Variants in ZNF592 observed in about 807,000 individuals in gnomAD.
The protein encoded by ZNF592 is spinocerebellar ataxia, autosomal recessive 5.
A neutral mutation model predicts 80.3 loss-of-function variants in ZNF592; 11 were observed. The ratio of observed to expected loss-of-function variants is 0.14; its 90% CI spans 0.09 to 0.23. ZNF592 has a LOEUF of 0.23. Among genes scored for constraint, ZNF592 ranks in the 10% least tolerant of loss-of-function variants. The probability of loss-of-function intolerance (pLI) is 1.00; values close to 1 mark genes in which losing one functional copy is unlikely to be tolerated. For missense variants in ZNF592, 1,420 were observed against 1,633.9 expected, an observed-to-expected ratio of 0.87 and a Z score of 2.26; for synonymous variants, 646 against 640.3, an observed-to-expected ratio of 1.01 and a Z score of -0.13.
rs953287950 is a variant in ZNF592, at chr15:84,804,239, T to A, written c.*1846T>A. On this transcript the variant is annotated 3_prime_UTR_variant, in exon 11 of 11. Coordinates refer to ENST00000560079, the MANE Select transcript of ZNF592 (RefSeq NM_014630.3). ...TGCAAAGCCAGACCTAGACCTGCCG[T>A]AGCTGTTGTCCCATGCCTAATTCTA... 7.2e-5 allele frequency: 11 copies of A among 152,232 alleles called. No homozygotes were observed. Among genetic ancestry groups the A allele is most frequent in the African/African-American group, 2.2e-4 (9 of 41,460 alleles). The allele number at this position is 152,232 out of a possible 1,614,324, so 9.4% of individuals were successfully genotyped here. A position where few individuals can be genotyped will look rare whatever the true frequency, so the allele number is the denominator to read the frequency against.
chr15:84,784,758 C>T lies in ZNF592; in HGVS notation c.2083C>T (p.Pro695Ser). The part of the protein sequence containing the change: ...LTSGSASPPP[P>S]ALPLYPDPVR... ...TTCGGGCAGTGCCAGTCCCCCTCCT[C>T]CAGCCTTGCCACTCTACCCAGACCC... Residue 695 changes from proline to serine, a missense_variant, in exon 4 of 11, where the codon CCA becomes TCA. Coordinates refer to ENST00000560079, the MANE Select transcript of ZNF592 (RefSeq NM_014630.3). This position sits in a 1 kb window ranked among gnomAD's most constrained non-coding sequence, Gnocchi z 5.8. The T allele has an allele frequency of 6.2e-7, 1 of 1,614,186 alleles. No homozygotes were observed.
Position 84,784,209 on chromosome 15 carries a change from C to G in ZNF592, c.1534C>G (p.Pro512Ala). Residue 512 changes from proline to alanine, a missense_variant, in exon 4 of 11, where the codon CCC becomes GCC. Pro to Ala is a conservative substitution (Grantham distance 27, BLOSUM62 -1). Transcript: ENST00000560079. This position sits in a 1 kb window ranked among gnomAD's most constrained non-coding sequence, Gnocchi z 5.8. ...GCACTTGGCCAACCTGAACCTCGTC[C>G]CCCACAGTGTTGCTGCATCAGTGAC... ...AVHLANLNLV[P>A]HSVAASVTAK... The G allele has an allele frequency of 6.2e-7, 1 of 1,614,242 alleles. No homozygotes were observed. The highest frequency in any genetic ancestry group is 8.5e-7 in the Non-Finnish European group (1 of 1,180,048).
intron 1 of ZNF592, among the ~76,000 whole-genome samples, chr15:84,750,318 T>G (rs962922792): frequency 1.4e-4 from 21 of 152,134 alleles, no homozygotes; most frequent in Admixed American, 9.8e-4. Flanking sequence ...AAATAAATAG[T>G]CGTGGAAATT....
At chr15:84,759,423 C>T (rs1159354442) in intron 1 of ZNF592, among the ~76,000 whole-genome samples, 3 of 152,068 alleles carry the variant, frequency 2.0e-5, no homozygotes, top group African/African-American at 7.2e-5. Context: ...TCTGATCTTT[C>T]ATTACTTGTC....
chr15:84,778,525 A>G (rs1233624339), intron 3 of ZNF592, among the ~76,000 whole-genome samples: 1 of 152,064 alleles, frequency 6.6e-6, no homozygotes, highest in East Asian at 1.9e-4. Flanking sequence ...AAAGGGCAAG[A>G]AGGCCGTGGG....
rs2141524860 is a variant in ZNF592, at chr15:84,799,106, G to A, written c.3033G>A (p.Lys1011=). The change falls in exon 9 of 11, where the codon AAG becomes AAA. Residue 1011 remains lysine (K), a synonymous_variant. Coordinates refer to ENST00000560079, the MANE Select transcript of ZNF592 (RefSeq NM_014630.3). The surrounding 1 kb of genome is among the most constrained non-coding windows in gnomAD (Gnocchi z 4.2). ...HMKKSHGRTL[K]RYPCRQCEQS... ...GCCACCTCCTTCCTTAGACATTGAA[G>A]CGGTACCCATGCCGGCAGTGTGAAC... The A allele has an allele frequency of 1.2e-6, 2 of 1,614,170 alleles. No homozygotes were observed. The highest frequency in any genetic ancestry group is 1.3e-5 in the African/African-American group (1 of 75,046).
At chr15:84,765,168 G>A (rs1899471466) in intron 2 of ZNF592, among the ~76,000 whole-genome samples, 1 of 152,122 alleles carries the variant, frequency 6.6e-6, no homozygotes, top group Non-Finnish European at 1.5e-5. Context: ...GAATCATTCA[G>A]TATTTGTCTG....
At chr15:84,760,508 A>G (rs562038118) in intron 1 of ZNF592, among the ~76,000 whole-genome samples, 14 of 152,216 alleles carry the variant, frequency 9.2e-5, no homozygotes, top group Non-Finnish European at 2.1e-4. Flanking sequence ...CTACATGGGC[A>G]GGAATTTCAT....
rs1170966854 is a variant in ZNF592 at position 84,804,513 on chromosome 15, C to G, written c.*2120C>G. 6.6e-6 allele frequency: 1 copy of G among 152,244 alleles called. No homozygotes were observed. Among genetic ancestry groups the G allele is most frequent in the Non-Finnish European group, 1.5e-5 (1 of 68,058 alleles). 9.4% of individuals were successfully genotyped at this position (152,244 alleles called of 1,614,324 possible). ...AGTCCCTGGAAAACCTGGGTCCTGG[C>G]CTGGATTCTGTCCTTAGCCAGCTCT... On this transcript the variant is annotated 3_prime_UTR_variant, in exon 11 of 11. Coordinates refer to ENST00000560079, the MANE Select transcript of ZNF592 (RefSeq NM_014630.3).
At chr15:84,788,074 C>T (rs954143226) in intron 4 of ZNF592, among the ~76,000 whole-genome samples, 1 of 151,722 alleles carries the variant, frequency 6.6e-6, no homozygotes, top group Non-Finnish European at 1.5e-5. Context: ...ATATTTTTTC[C>T]TGTAGACTGG....
chr15:84,790,375 A>G (rs1341838133), intron 4 of ZNF592, among the ~76,000 whole-genome samples: 1 of 152,074 alleles, frequency 6.6e-6, no homozygotes, highest in Admixed American at 6.5e-5. Context: ...CTTAGAATTC[A>G]AGATGTGCTT....
intron 2 of ZNF592, among the ~76,000 whole-genome samples, chr15:84,768,933 C>T (rs1309232282): frequency 6.6e-6 from 1 of 152,118 alleles, no homozygotes; most frequent in Non-Finnish European, 1.5e-5. Context: ...TCAAATTGTT[C>T]TTCCTCCTTT....
chr15:84,800,026 G>A (rs748943840), intron 10 of ZNF592, 49 bp downstream of exon 10: 1 of 1,613,496 alleles, frequency 6.2e-7, no homozygotes, highest in Non-Finnish European at 8.5e-7. Context: ...AGTGAGGCTT[G>A]GAGCTGGAAG....
At chr15:84,785,882 C>A (rs189729784) in intron 4 of ZNF592, among the ~76,000 whole-genome samples, 73 of 148,850 alleles carry the variant, frequency 4.9e-4, no homozygotes, top group African/African-American at 1.7e-3. Flanking sequence ...AAAAAAAAAG[C>A]CTTCTGCGCT....
At chr15:84,801,334 GAAATA>G (rs947693320) in intron 10 of ZNF592, among the ~76,000 whole-genome samples, 6 of 151,732 alleles carry the variant, frequency 4.0e-5, no homozygotes, top group African/African-American at 1.2e-4. Flanking sequence ...AAAATGAAAT[GAAATA>G]AAATAAAATA....
At chr15:84,796,344 C>T (rs1012266024) in intron 5 of ZNF592, among the ~76,000 whole-genome samples, 1 of 145,028 alleles carries the variant, frequency 6.9e-6, no homozygotes, top group African/African-American at 2.6e-5. Context: ...TAAATGAAGG[C>T]ACGCCTTTTA....
In ZNF592 at chr15:84,801,855, C is replaced by T. The variant is rs1274490245; in HGVS notation, c.3274-8C>T. 1.9e-6 allele frequency: 3 copies of T among 1,613,954 alleles called. No homozygotes were observed. Among genetic ancestry groups the T allele is most frequent in the East Asian group, 2.2e-5 (1 of 44,878 alleles). On this transcript the variant is annotated splice_region_variant and splice_polypyrimidine_tract_variant and intron_variant, in intron 10 of 10. Transcript: ENST00000560079. ...CCTGGACTTTGCTCATGCTGTCTCT[C>T]CTTTTAGGTGAACCATCTGAAAAGA...
Position 84,783,580 on chromosome 15 carries a change from A to G in ZNF592, c.905A>G (p.Glu302Gly), listed in dbSNP as rs779935655. ...AAAAGAGTGGCTAGTGTCACTAAGG[A>G]GGATCAGCCTGGCCACACAAAGGAT... ...QAKRVASVTKEDQPGHTKDLS... is the reference protein window; with the variant it reads ...QAKRVASVTKGDQPGHTKDLS... Residue 302 changes from glutamate (E) to glycine (G), a missense_variant, in exon 4 of 11, where the codon GAG becomes GGG. By Grantham distance (98) the Glu-to-Gly change is moderately conservative. Around this residue, in one of 7 missense-constraint regions of ZNF592, gnomAD observed 373 missense variants for 355.5 expected, o/e 1.05. Coordinates refer to ENST00000560079, the MANE Select transcript of ZNF592 (RefSeq NM_014630.3). The surrounding 1 kb of genome is among the most constrained non-coding windows in gnomAD (Gnocchi z 5.0). 1.7e-5 allele frequency: 28 copies of G among 1,614,106 alleles called. No individual in the cohort carries two copies. Among genetic ancestry groups the G allele is most frequent in the Non-Finnish European group, 2.4e-5 (28 of 1,180,054 alleles).
intron 10 of ZNF592, 75 bp downstream of exon 10, chr15:84,800,052 ACT>A: frequency 6.2e-7 from 1 of 1,608,398 alleles, no homozygotes; most frequent in East Asian, 2.2e-5. Context: ...TAGGAAGGCT[ACT>A]GTTGTGGCCA....
Sources: gnomAD v4.1 joint callset for allele counts (sites outside exome capture counted in the v4.1 genomes callset) on GRCh38, gnomAD v4.1.1 for gene constraint, gnomAD v4.1.1 regional missense constraint, Gnocchi (gnomAD v3.1) non-coding constraint, MANE v1.5 for transcripts, NCBI Gene and HGNC (gene_info 2026-07-23, HGNC 2026-07-21) for gene names.